The following TOR1AIP1 variants were observed in gnomAD, a reference collection of about 807,000 sequenced individuals.
TOR1AIP1 encodes torsin 1A interacting protein 1, also known as torsin-1A-interacting protein 1.
TOR1AIP1 carries 54 observed loss-of-function variants against 63.3 expected under a neutral mutation model. The ratio of observed to expected loss-of-function variants is 0.85; its 90% CI spans 0.69 to 1.07. TOR1AIP1 has a LOEUF of 1.07. Among genes scored for constraint, TOR1AIP1 ranks in the 50% least tolerant of loss-of-function variants. TOR1AIP1 has a pLI of 0.00. For synonymous variants in TOR1AIP1, 294 were observed against 273.5 expected, an observed-to-expected ratio of 1.07 and a Z score of -0.74; for missense variants, 736 against 715.0, an observed-to-expected ratio of 1.03 and a Z score of -0.33.
At chr1:179,888,722 CTT>C (rs1558039122) in intron 2 of TOR1AIP1, among the ~76,000 whole-genome samples, 2 of 152,148 alleles carry the variant, frequency 1.3e-5, no homozygotes, top group Non-Finnish European at 2.9e-5. Flanking sequence ...AGAAAACATA[CTT>C]TTATAGGTGG....
chr1:179,913,672 T>C, intron 8 of TOR1AIP1: 1 of 702,062 alleles, frequency 1.4e-6, no homozygotes, highest in South Asian at 1.5e-5. Flanking sequence ...TTAGTTTCTT[T>C]GTCCTTTTTA....
intron 2 of TOR1AIP1, among the ~76,000 whole-genome samples, chr1:179,886,519 C>A (rs927785369): frequency 6.6e-6 from 1 of 152,098 alleles, no homozygotes; most frequent in Non-Finnish European, 1.5e-5. Context: ...TGAGATAGTA[C>A]ATTTGAAATC....
rs978096275 is a variant in TOR1AIP1, at chr1:179,882,440, C to T, written c.-63C>T. On this transcript the variant is annotated 5_prime_UTR_variant, in exon 1 of 10. Coordinates refer to ENST00000606911, the MANE Select transcript of TOR1AIP1 (RefSeq NM_015602.4). ...ACCCCCGAGAAGCCATCGCCACCAC[C>T]GGCAGGAGAACCTAGGGTCCATAAA... is the stretch of plus-strand genomic sequence containing the variant. The T allele has an allele frequency of 1.2e-5, 16 of 1,352,536 alleles. No homozygotes were observed. The highest frequency in any genetic ancestry group is 8.6e-5 in the East Asian group (3 of 34,892). The allele number at this position is 1,352,536 out of a possible 1,614,324, so 83.8% of individuals were successfully genotyped here.
chr1:179,891,249 C>A (rs1042147189), intron 3 of TOR1AIP1, among the ~76,000 whole-genome samples: 1 of 151,994 alleles, frequency 6.6e-6, no homozygotes. Context: ...TGAGACAGAG[C>A]CTTGCTCTGT....
intron 2 of TOR1AIP1, among the ~76,000 whole-genome samples, chr1:179,886,102 A>G (rs1647901863): frequency 6.6e-6 from 1 of 152,150 alleles, no homozygotes; most frequent in Admixed American, 6.6e-5. Flanking sequence ...TCTTAGAAAA[A>G]TGCTTTGAAT....
rs1649056655 is a variant in TOR1AIP1, at chr1:179,917,517, A to T, written c.1030A>T (p.Ile344Leu). ...KRNRWWLLPL[I>L]AALASGSFWF... The stretch of plus-strand genomic sequence containing the variant: ...GAACCGGTGGTGGCTACTTCCTCTG[A>T]TAGCTGCTCTTGCCTCTGGGAGTTT... The change falls in exon 10 of 10, where the codon ATA becomes TTA. Residue 344 changes from isoleucine (I) to leucine (L), a missense_variant. Ile to Leu is a conservative substitution (Grantham distance 5, BLOSUM62 2). Transcript: ENST00000606911. 5 of 1,613,988 alleles carry T rather than the reference A, an allele frequency of 3.1e-6. No homozygotes were observed. Among genetic ancestry groups the T allele is most frequent in the Non-Finnish European group, 4.2e-6 (5 of 1,180,018 alleles).
chr1:179,907,115 G>A (rs1202750000), intron 6 of TOR1AIP1, among the ~76,000 whole-genome samples: 1 of 151,680 alleles, frequency 6.6e-6, no homozygotes, highest in African/African-American at 2.4e-5. Flanking sequence ...TGGGCATGGT[G>A]GCTCATGCCT....
At chr1:179,896,607 C>A (rs1648277306) in intron 3 of TOR1AIP1, among the ~76,000 whole-genome samples, 1 of 151,776 alleles carries the variant, frequency 6.6e-6, no homozygotes, top group Non-Finnish European at 1.5e-5. Flanking sequence ...CGAGAAGCAC[C>A]CTACTCAGTG....
At chr1:179,908,010 G>C (rs546029616) in intron 7 of TOR1AIP1, 146 bp downstream of exon 7, 3 of 513,928 alleles carry the variant, frequency 5.8e-6, no homozygotes, top group Non-Finnish European at 6.4e-6. Context: ...CTGGGTTCAC[G>C]CGATTCTCCT....
intron 8 of TOR1AIP1, 144 bp downstream of exon 8, chr1:179,908,817 T>C: frequency 1.5e-6 from 1 of 677,254 alleles, no homozygotes; most frequent in Non-Finnish European, 2.5e-6. Context: ...AGTTTAGTAA[T>C]TTCTTGGACT....
At chr1:179,916,700 C>CTTTTTTTTTTTTTTTTTTTTT (rs3029850) in intron 9 of TOR1AIP1, among the ~76,000 whole-genome samples, 1 of 95,180 alleles carries the variant, frequency 1.1e-5, no homozygotes, top group Non-Finnish European at 1.9e-5. Flanking sequence ...GCATCCTTTT[C>CTTTTTTTTTTTTTTTTTTTTT]TTTTTTTTTT....
chr1:179,883,671 A>G, intron 1 of TOR1AIP1: 1 of 456,334 alleles, frequency 2.2e-6, no homozygotes, highest in Non-Finnish European at 4.4e-6. Flanking sequence ...AACCTCAAGT[A>G]GTCTGGCAAA....
At chr1:179,896,070 C>T (rs1315282352) in intron 3 of TOR1AIP1, among the ~76,000 whole-genome samples, 1 of 152,178 alleles carries the variant, frequency 6.6e-6, no homozygotes, top group African/African-American at 2.4e-5. Flanking sequence ...TCAGATCGCA[C>T]TTAAATATTT....
At chr1:179,908,304 G>A (rs1189159987) in intron 7 of TOR1AIP1, among the ~76,000 whole-genome samples, 1 of 152,056 alleles carries the variant, frequency 6.6e-6, no homozygotes, top group Non-Finnish European at 1.5e-5. Flanking sequence ...AATTCACCAC[G>A]GATTGGTACT....
chr1:179,889,199 G>A lies in TOR1AIP1; in HGVS notation c.554-114G>A, dbSNP rs114149709. On this transcript the variant is annotated intron_variant, in intron 2 of 9. Transcript: ENST00000606911. ...GAAAGCTTGTCTCTACTTCTCTAGC[G>A]TAAATAAAAGCTCTGTAAACCTTTG... The A allele has an allele frequency of 6.6e-5, 50 of 757,388 alleles. 1 individual carries two copies. The highest frequency in any genetic ancestry group is 6.3e-4 in the African/African-American group (36 of 57,170). The allele number at this position is 757,388 out of a possible 1,614,324, so 46.9% of individuals were successfully genotyped here.
chr1:179,900,359 C>T (rs535457954), intron 4 of TOR1AIP1, 192 bp downstream of exon 4: 102 of 400,378 alleles, frequency 2.5e-4, no homozygotes, highest in African/African-American at 1.8e-3. Flanking sequence ...CTGTAGTGCA[C>T]TATGCCGATC....
intron 2 of TOR1AIP1, 77 bp from the exon 3 acceptor site, chr1:179,889,236 A>G: frequency 8.6e-7 from 1 of 1,160,888 alleles, no homozygotes; most frequent in Admixed American, 2.0e-5. Flanking sequence ...TGAATAAATA[A>G]GGGATGATCA....
At chr1:179,883,974 G>A (rs554329480) in intron 1 of TOR1AIP1, 1 of 215,456 alleles carries the variant, frequency 4.6e-6, no homozygotes, top group East Asian at 1.2e-4. Context: ...GGAGGAGTGG[G>A]TTTTCAGCTT....
intron 8 of TOR1AIP1, among the ~76,000 whole-genome samples, chr1:179,911,338 C>T (rs903007834): frequency 1.3e-5 from 2 of 152,102 alleles, no homozygotes; most frequent in Admixed American, 1.3e-4. Flanking sequence ...TATTTCTGCC[C>T]GCTTTGGTGA....
Sources: allele counts gnomAD v4.1 joint callset (sites outside exome capture counted in the v4.1 genomes callset), GRCh38; gene constraint gnomAD v4.1.1; transcripts MANE v1.5; gene names NCBI Gene and HGNC (gene_info 2026-07-23, HGNC 2026-07-21).